PKHD1L1: variants seen among roughly 807,000 people sequenced by gnomAD.
PKHD1L1 encodes the protein PKHD1 like 1.
In PKHD1L1, 434 loss-of-function variants were observed where a neutral mutation model predicts 462.9. That is an observed-to-expected ratio of 0.94 (90% CI 0.87 to 1.02). PKHD1L1 has a LOEUF of 1.02. PKHD1L1 is among the 50% of genes least tolerant of loss of function. PKHD1L1 has a pLI of 0.00. For missense variants in PKHD1L1, 5,202 were observed against 5,096.1 expected (o/e 1.02, Z -0.63); for synonymous variants, 1,781 against 1,750.0 (o/e 1.02, Z -0.44).
chr8:109,469,706 C>T (rs1389840371), intron 50 of PKHD1L1, among the ~76,000 whole-genome samples: 1 of 152,104 alleles, frequency 6.6e-6, no homozygotes, highest in Non-Finnish European at 1.5e-5. Context: ...TGAGTAATAG[C>T]TATACCCACT....
At chr8:109,371,696 G>A (rs1811519738) in intron 2 of PKHD1L1, among the ~76,000 whole-genome samples, 1 of 140,060 alleles carries the variant, frequency 7.1e-6, no homozygotes, top group Admixed American at 7.7e-5. Flanking sequence ...TGTAAGGAAG[G>A]GATCCAGTTT....
rs569411189 is a variant in PKHD1L1 at position 109,535,569 on chromosome 8, A to C, written c.*5479A>C. On this transcript the variant is annotated 3_prime_UTR_variant, in exon 78 of 78. Coordinates refer to ENST00000378402, the MANE Select transcript of PKHD1L1 (RefSeq NM_177531.6). ...TGTCTTAAAGGGCATGGGTGGTTAGAGGGAGATCCCCAAACAAACAATTCA... is the reference window on the plus strand; with the variant it reads ...TGTCTTAAAGGGCATGGGTGGTTAGCGGGAGATCCCCAAACAAACAATTCA... Among the ~76,000 whole-genome samples, 1 of 152,218 alleles carries C rather than the reference A, an allele frequency of 6.6e-6. No individual in the cohort carries two copies. The highest frequency in any genetic ancestry group is 1.5e-5 in the Non-Finnish European group (1 of 68,028).
In PKHD1L1 at chr8:109,507,769, C is replaced by A. The variant is rs1229896346; in HGVS notation, c.11101C>A (p.Pro3701Thr). The change falls in exon 69 of 78, where the codon CCT becomes ACT. Residue 3701 changes from proline (P) to threonine (T), a missense_variant. Physicochemically the swap from Pro to Thr is conservative, Grantham distance 38. Around this residue, in one of 3 missense-constraint regions of PKHD1L1, gnomAD observed 698 missense variants for 736.3 expected, o/e 0.95. Coordinates refer to ENST00000378402, the MANE Select transcript of PKHD1L1 (RefSeq NM_177531.6). ...SFLGNAGSVI[P>T]QAEYEWDGNS... ...TCTGGGGAATGCTGGTTCTGTGATA[C>A]CTCAAGCAGAATATGAATGGGACGG... The A allele has an allele frequency of 6.2e-7, 1 of 1,613,250 alleles. No individual in the cohort carries two copies. Among genetic ancestry groups the A allele is most frequent in the Non-Finnish European group, 8.5e-7 (1 of 1,179,636 alleles).
rs1294219927 is a variant in PKHD1L1 at position 109,435,461 on chromosome 8, A to G, written c.3505+107A>G. ...GGAGAGGATCCCAAAGCTTCCTCTTATAGAACAAAGGAAAGTCTCCTTCGA... is the reference window on the plus strand; with the variant it reads ...GGAGAGGATCCCAAAGCTTCCTCTTGTAGAACAAAGGAAAGTCTCCTTCGA... On this transcript the variant is annotated intron_variant, in intron 29 of 77. Transcript: ENST00000378402. 9.0e-6 allele frequency: 11 copies of G among 1,227,048 alleles called. No homozygotes were observed. In the South Asian group the frequency reaches 1.8e-4, roughly 21 times the overall value. The allele number at this position is 1,227,048 out of a possible 1,614,324, so 76.0% of individuals were successfully genotyped here. A position where few individuals can be genotyped will look rare whatever the true frequency, so the allele number is the denominator to read the frequency against.
intron 21 of PKHD1L1, among the ~76,000 whole-genome samples, chr8:109,414,986 A>G (rs867104043): frequency 1.4e-5 from 2 of 146,652 alleles, no homozygotes; most frequent in Admixed American, 1.4e-4. Flanking sequence ...TATTATTATT[A>G]TTATTATTAT....
Position 109,454,188 on chromosome 8 carries a change from A to C in PKHD1L1, c.6686A>C (p.Glu2229Ala). 2 of 1,607,710 alleles carry C rather than the reference A, an allele frequency of 1.2e-6. No homozygotes were observed. Among genetic ancestry groups the C allele is most frequent in the Non-Finnish European group, 8.5e-7 (1 of 1,176,882 alleles). ...ATAGGTGGGACTCTAATATTTGATG[A>C]AGCTGACATTGAACTCCAGGCAGAA... is the stretch of plus-strand genomic sequence containing the variant. ...LIQGGTLIFD[E>A]ADIELQAENI... Residue 2229 changes from glutamate to alanine, a missense_variant, in exon 44 of 78, where the codon GAA becomes GCA. Glu to Ala is a moderately radical substitution (Grantham distance 107). Around this residue, in one of 3 missense-constraint regions of PKHD1L1, gnomAD observed 4,497 missense variants for 4,336.8 expected, o/e 1.04. Coordinates refer to ENST00000378402, the MANE Select transcript of PKHD1L1 (RefSeq NM_177531.6).
chr8:109,383,177 AATAT>A (rs1563723826), intron 4 of PKHD1L1, among the ~76,000 whole-genome samples: 2 of 109,206 alleles, frequency 1.8e-5, no homozygotes, highest in African/African-American at 7.4e-5. Context: ...TATATACAAT[AATAT>A]ATATAATTAT....
chr8:109,482,910 T>C, intron 56 of PKHD1L1, 77 bp from the exon 57 acceptor site: 1 of 815,506 alleles, frequency 1.2e-6, no homozygotes, highest in South Asian at 2.6e-5. Flanking sequence ...AATATATCAA[T>C]GAACATTTTC....
At chr8:109,426,028 A>G (rs1194816435) in intron 24 of PKHD1L1, among the ~76,000 whole-genome samples, 1 of 152,078 alleles carries the variant, frequency 6.6e-6, no homozygotes, top group Non-Finnish European at 1.5e-5. Flanking sequence ...ATTTTGGTGT[A>G]CTCCTTTTTA....
chr8:109,415,848 A>C, intron 21 of PKHD1L1, among the ~76,000 whole-genome samples: 1 of 80,276 alleles, frequency 1.2e-5, no homozygotes, highest in Non-Finnish European at 2.9e-5. Flanking sequence ...ACCTTGTCTT[A>C]AAAAAAAAAA....
intron 34 of PKHD1L1, among the ~76,000 whole-genome samples, chr8:109,441,715 C>T (rs914387410): frequency 6.6e-6 from 1 of 151,934 alleles, no homozygotes; most frequent in Non-Finnish European, 1.5e-5. Flanking sequence ...TAAAAATATT[C>T]TATGTAAGAT....
intron 50 of PKHD1L1, chr8:109,470,987 A>T (rs1817686293): frequency 6.2e-7 from 1 of 1,610,564 alleles, no homozygotes; most frequent in African/African-American, 1.3e-5. Context: ...GTCCATAGGC[A>T]TCCCGCAGTT....
Position 109,404,701 on chromosome 8 carries a change from C to T in PKHD1L1, c.1521C>T (p.Leu507=). Residue 507 remains leucine (L), a synonymous_variant, in exon 15 of 78, where the codon CTC becomes CTT. Coordinates refer to ENST00000378402, the MANE Select transcript of PKHD1L1 (RefSeq NM_177531.6). ...TTATCAAATCCCAGTCGACAATCCT[C>T]CAGGAAGTACAGGTTTGCTATGATT... ...EQVIKSQSTI[L]QEVQVITLEN... 6.2e-7 allele frequency: 1 copy of T among 1,602,160 alleles called. No individual in the cohort carries two copies. The highest frequency in any genetic ancestry group is 8.5e-7 in the Non-Finnish European group (1 of 1,174,402).
Position 109,507,778 on chromosome 8 carries a change from G to A in PKHD1L1, c.11110G>A (p.Glu3704Lys). 1 of 1,613,434 alleles carries A rather than the reference G, an allele frequency of 6.2e-7. No individual in the cohort carries two copies. The highest frequency in any genetic ancestry group is 8.5e-7 in the Non-Finnish European group (1 of 1,179,662). Residue 3704 changes from glutamate to lysine, a missense_variant, in exon 69 of 78, where the codon GAA (glutamate) becomes AAA (lysine). By Grantham distance (56) the Glu-to-Lys change is moderately conservative. This residue lies in a region of PKHD1L1 where 698 missense variants were observed against 736.3 expected (regional missense o/e 0.95). Transcript: ENST00000378402. The stretch of plus-strand genomic sequence containing the variant: ...TGCTGGTTCTGTGATACCTCAAGCA[G>A]AATATGAATGGGACGGAAACAGCCA... ...GNAGSVIPQA[E>K]YEWDGNSQVG...
chr8:109,374,243 T>C (rs951752043), intron 2 of PKHD1L1, among the ~76,000 whole-genome samples: 3 of 152,234 alleles, frequency 2.0e-5, no homozygotes, highest in South Asian at 2.1e-4. Context: ...TTGATCCCTT[T>C]ACCATTATGT....
intron 33 of PKHD1L1, 84 bp downstream of exon 33, chr8:109,440,936 A>G (rs954705199): frequency 7.0e-7 from 1 of 1,438,808 alleles, no homozygotes; most frequent in Non-Finnish European, 9.3e-7. Context: ...TTATATGAAT[A>G]TTCTAAATCA....
chr8:109,430,116 C>G (rs781248223), intron 27 of PKHD1L1, 79 bp downstream of exon 27: 4 of 904,548 alleles, frequency 4.4e-6, no homozygotes, highest in Non-Finnish European at 6.8e-6. Flanking sequence ...ACTTTTAAAA[C>G]TATGTTTCTA....
At chr8:109,442,323 A>T in intron 35 of PKHD1L1, 128 bp downstream of exon 35, 3 of 893,848 alleles carry the variant, frequency 3.4e-6, no homozygotes, top group Admixed American at 6.5e-5. Context: ...GGTATTTGGC[A>T]TTTTATTGCT....
chr8:109,523,239 T>C lies in PKHD1L1; in HGVS notation c.12337T>C (p.Cys4113Arg), dbSNP rs780551141. 17 of 1,604,490 alleles carry C rather than the reference T, an allele frequency of 1.1e-5. No homozygotes were observed. In the South Asian group the frequency reaches 1.1e-4, roughly 11 times the overall value. The change falls in exon 76 of 78, where the codon TGT becomes CGT. Residue 4113 changes from cysteine (C) to arginine (R), a missense_variant. Physicochemically the swap from Cys to Arg is radical, Grantham distance 180. Coordinates refer to ENST00000378402, the MANE Select transcript of PKHD1L1 (RefSeq NM_177531.6). ...SVKATDSDGN[C>R]VSVGITALTL... ...ACTTTTTTTTTTTTTTTAGGGTAAC[T>C]GTGTATCAGTTGGAATTACTGCACT...
Sources: allele counts gnomAD v4.1 joint callset (sites outside exome capture counted in the v4.1 genomes callset), GRCh38; gene constraint gnomAD v4.1.1; regional missense constraint gnomAD v4.1.1; transcripts MANE v1.5; gene names NCBI Gene and HGNC (gene_info 2026-07-23, HGNC 2026-07-21).